WDR26: variants seen among roughly 807,000 people sequenced by gnomAD.
The protein encoded by WDR26 is WD repeat domain 26.
WDR26 carries 5 observed loss-of-function variants against 84.1 expected under a neutral mutation model. The observed-to-expected ratio is 0.06, with a 90% CI of 0.03 to 0.13. The LOEUF is 0.13. WDR26 is among the 10% of genes least tolerant of loss of function. The pLI is 1.00. For missense variants in WDR26, 642 were observed against 974.9 expected (o/e 0.66, Z 4.55); for synonymous variants, 415 against 389.6 (o/e 1.07, Z -0.77).
At chr1:224,395,192 C>T (rs1032591961) in intron 12 of WDR26, among the ~76,000 whole-genome samples, 7 of 152,114 alleles carry the variant, frequency 4.6e-5, no homozygotes, top group Non-Finnish European at 8.8e-5. Flanking sequence ...GGATACTAAC[C>T]TCATATCATG....
In WDR26 at chr1:224,434,632, C is replaced by T. The variant is rs1323462561; in HGVS notation, c.-227G>A. On this transcript the variant is annotated 5_prime_UTR_variant, in exon 1 of 14. Coordinates refer to ENST00000414423, the MANE Select transcript of WDR26 (RefSeq NM_001379403.1). ...GCCCGGGGGTCGCGCCGGGGGGCGCCGCGGGGCGGCTGCGGGGGCGCGGGG... is the reference window on the plus strand; with the variant it reads ...GCCCGGGGGTCGCGCCGGGGGGCGCTGCGGGGCGGCTGCGGGGGCGCGGGG... 16 of 614,506 alleles carry T rather than the reference C, an allele frequency of 2.6e-5. No homozygotes were observed. The highest frequency in any genetic ancestry group is 3.2e-5 in the Non-Finnish European group (16 of 496,460). 38.1% of individuals were successfully genotyped at this position (614,506 alleles called of 1,614,324 possible).
intron 3 of WDR26, among the ~76,000 whole-genome samples, chr1:224,428,259 C>T (rs1325010418): frequency 6.6e-6 from 1 of 152,124 alleles, no homozygotes; most frequent in Non-Finnish European, 1.5e-5. Flanking sequence ...AAGAAAAACC[C>T]AGAAATTACG....
intron 13 of WDR26, among the ~76,000 whole-genome samples, chr1:224,392,253 C>T (rs1299861493): frequency 4.6e-5 from 7 of 151,424 alleles, no homozygotes; most frequent in Non-Finnish European, 1.0e-4. Context: ...CCCAGCTACT[C>T]GGGAGGCTGA....
chr1:224,393,976 C>A lies in WDR26; in HGVS notation c.2112G>T (p.Leu704=). ...TGTGCCCTGTCAGCTCCGCAATTGG[C>A]AGTTCACTACGTTTGTGCCAGATGT... Residue 704 remains leucine (L), a synonymous_variant, in exon 13 of 14, where the codon CTG becomes CTT. Transcript: ENST00000414423. 1.3e-6 allele frequency: 2 copies of A among 1,537,754 alleles called. No individual in the cohort carries two copies. The highest frequency in any genetic ancestry group is 1.8e-6 in the Non-Finnish European group (2 of 1,123,200).
Position 224,386,920 on chromosome 1 carries a change from T to G in WDR26, c.*2915A>C, listed in dbSNP as rs954207096. On this transcript the variant is annotated 3_prime_UTR_variant, in exon 14 of 14. Transcript: ENST00000414423. ...GTCATCCCTCCCCACTAACTCCCAC[T>G]CCAATTCTTTACTACCCACATACTA... is the stretch of plus-strand genomic sequence containing the variant. 1.3e-5 allele frequency: 2 copies of G among 152,236 alleles called. No homozygotes were observed. The highest frequency in any genetic ancestry group is 2.9e-5 in the Non-Finnish European group (2 of 68,002). The allele number at this position is 152,236 out of a possible 1,614,324, so 9.4% of individuals were successfully genotyped here.
Position 224,434,151 on chromosome 1 carries a change from A to AGCAGCGGCGGCGGGAGGG in WDR26, c.237_254dup (p.Pro80_Ala85dup). The AGCAGCGGCGGCGGGAGGG allele has an allele frequency of 7.0e-7, 1 of 1,421,554 alleles. No individual in the cohort carries two copies. The highest frequency in any genetic ancestry group is 9.2e-7 in the Non-Finnish European group (1 of 1,091,870). 88.1% of individuals were successfully genotyped at this position (1,421,554 alleles called of 1,614,324 possible). On this transcript the variant is annotated inframe_insertion, in exon 1 of 14. Transcript: ENST00000414423. ...TGTGGCCGCTACTTCGGTGGGGGAC[A>AGCAGCGGCGGCGGGAGGG]GCAGCGGCGGCGGGAGGGGCAGCAG...
At position 224,389,753 on chromosome 1, in the gene WDR26, A is replaced by G. The variant is rs1303891097; in HGVS notation, c.*82T>C. 3.7e-6 allele frequency: 5 copies of G among 1,351,508 alleles called. No homozygotes were observed. Among genetic ancestry groups the G allele is most frequent in the Non-Finnish European group, 5.3e-6 (5 of 943,738 alleles). 83.7% of individuals were successfully genotyped at this position (1,351,508 alleles called of 1,614,324 possible). On this transcript the variant is annotated 3_prime_UTR_variant, in exon 14 of 14. Transcript: ENST00000414423. ...GAGCATGTCTGTCCAGCTATCAATC[A>G]TGTTTGTTTGCACCAAATCCCAAGC...
intron 1 of WDR26, among the ~76,000 whole-genome samples, chr1:224,432,746 G>A (rs1192709459): frequency 6.6e-6 from 1 of 152,154 alleles, no homozygotes; most frequent in Non-Finnish European, 1.5e-5. Flanking sequence ...CACTCTGAAT[G>A]TAGGAAACTG....
At chr1:224,389,977 A>G (rs1371229239) in intron 13 of WDR26, 117 bp from the exon 14 acceptor site, 1 of 700,350 alleles carries the variant, frequency 1.4e-6, no homozygotes, top group Non-Finnish European at 2.3e-6. Context: ...TTACAAAATT[A>G]TACTAACATT....
At chr1:224,428,454 T>C (rs1674292094) in intron 3 of WDR26, among the ~76,000 whole-genome samples, 1 of 152,218 alleles carries the variant, frequency 6.6e-6, no homozygotes, top group Admixed American at 6.5e-5. Context: ...TACTAGTTAA[T>C]TATAGATGCC....
rs1673048491 is a variant in WDR26, at chr1:224,388,707, C to G, written c.*1128G>C. ...GGTTTTAATCCCAGTTTAAGTATGT[C>G]TGTAACCTGCTGAATTCTTCTAATA... is the stretch of plus-strand genomic sequence containing the variant. On this transcript the variant is annotated 3_prime_UTR_variant, in exon 14 of 14. Coordinates refer to ENST00000414423, the MANE Select transcript of WDR26 (RefSeq NM_001379403.1). 1 of 152,592 alleles carries G rather than the reference C, an allele frequency of 6.6e-6. No individual in the cohort carries two copies. The highest frequency in any genetic ancestry group is 2.1e-4 in the South Asian group (1 of 4,828). The allele number at this position is 152,592 out of a possible 1,614,324, so 9.5% of individuals were successfully genotyped here. A position where few individuals can be genotyped will look rare whatever the true frequency, so the allele number is the denominator to read the frequency against.
rs938137563 is a variant in WDR26, at chr1:224,409,428, C to A, written c.1458+1999G>T. ...AGAGTCCATAGGTTTGCCAAACTGCCAAAGAGGTACGTGGTACCAAAAAAA... is the reference window on the plus strand; with the variant it reads ...AGAGTCCATAGGTTTGCCAAACTGCAAAAGAGGTACGTGGTACCAAAAAAA... On this transcript the variant is annotated intron_variant, in intron 7 of 13. Transcript: ENST00000414423. Among the ~76,000 whole-genome samples, 10 of 152,182 alleles carry A rather than the reference C, an allele frequency of 6.6e-5. 1 individual carries two copies. The highest frequency in any genetic ancestry group is 2.0e-4 in the Admixed American group (3 of 15,300).
intron 12 of WDR26, among the ~76,000 whole-genome samples, chr1:224,396,441 A>C (rs1673262856): frequency 6.6e-6 from 1 of 152,234 alleles, no homozygotes; most frequent in Non-Finnish European, 1.5e-5. Flanking sequence ...AAGGCTTAAC[A>C]TATTTAGACC....
chr1:224,427,996 G>A (rs993074590), intron 3 of WDR26, among the ~76,000 whole-genome samples: 1 of 152,032 alleles, frequency 6.6e-6, no homozygotes, highest in Non-Finnish European at 1.5e-5. Flanking sequence ...TCTCCTTTAT[G>A]TCTTTCCCCA....
At chr1:224,393,270 T>TTA (rs1475634014) in intron 13 of WDR26, among the ~76,000 whole-genome samples, 1 of 152,188 alleles carries the variant, frequency 6.6e-6, no homozygotes, top group Admixed American at 6.5e-5. Context: ...TATGAAGACT[T>TTA]TATGCAAGAC....
intron 1 of WDR26, among the ~76,000 whole-genome samples, chr1:224,432,700 A>G (rs141500294): frequency 6.6e-6 from 1 of 152,348 alleles, no homozygotes; most frequent in East Asian, 1.9e-4. Flanking sequence ...CCATAAATGC[A>G]AAAGTACACA....
At chr1:224,429,897 AT>A (rs1370313345) in intron 3 of WDR26, 1 of 152,246 alleles carries the variant, frequency 6.6e-6, no homozygotes, top group African/African-American at 2.4e-5. Flanking sequence ...AAGTAAGCCT[AT>A]TAAATTTTTT....
intron 7 of WDR26, among the ~76,000 whole-genome samples, chr1:224,410,694 C>CTT (rs397983007): frequency 0.24 from 28,522 of 118,724 alleles, 4,240 homozygotes; most frequent in African/African-American, 0.41. Context: ...ATCTTTCTTT[C>CTT]TTTTTTTTTT....
At chr1:224,410,003 G>A (rs978233642) in intron 7 of WDR26, among the ~76,000 whole-genome samples, 10 of 151,914 alleles carry the variant, frequency 6.6e-5, no homozygotes, top group Non-Finnish European at 1.0e-4. Flanking sequence ...TTATTTGGCC[G>A]GACGTAGTGG....
Sources: allele counts gnomAD v4.1 joint callset (sites outside exome capture counted in the v4.1 genomes callset), GRCh38; gene constraint gnomAD v4.1.1; transcripts MANE v1.5; gene names NCBI Gene and HGNC (gene_info 2026-07-23, HGNC 2026-07-21).